BMERB1: variants seen among roughly 807,000 people sequenced by gnomAD.
BMERB1 encodes the protein bMERB domain-containing protein 1.
A neutral mutation model predicts 23.6 loss-of-function variants in BMERB1; 12 were observed. The ratio of observed to expected loss-of-function variants is 0.51; its 90% CI spans 0.33 to 0.82. The LOEUF (loss-of-function observed/expected upper bound fraction) is 0.82. Ranked by LOEUF, BMERB1 falls within the 40% of genes least tolerant of loss-of-function variation. The pLI is 0.03. For synonymous variants in BMERB1, 122 were observed against 96.6 expected, an observed-to-expected ratio of 1.26 and a Z score of -1.54; for missense variants, 247 against 255.4, an observed-to-expected ratio of 0.97 and a Z score of 0.22.
chr16:15,472,738 G>A (rs2051240669), intron 1 of BMERB1, among the ~76,000 whole-genome samples: 1 of 151,896 alleles, frequency 6.6e-6, no homozygotes, highest in Non-Finnish European at 1.5e-5. Context: ...TACATTTAAG[G>A]CAATTATTAA....
chr16:15,478,996 T>G (rs1193908581), intron 1 of BMERB1, among the ~76,000 whole-genome samples: 1 of 152,242 alleles, frequency 6.6e-6, no homozygotes, highest in Non-Finnish European at 1.5e-5. Flanking sequence ...TTTTGTCTTT[T>G]GTTTTTTGTT....
At chr16:15,527,046 GCACA>G (rs367615970) in intron 2 of BMERB1, among the ~76,000 whole-genome samples, 4 of 150,618 alleles carry the variant, frequency 2.7e-5, no homozygotes, top group African/African-American at 9.7e-5. Context: ...TATGTAGTTT[GCACA>G]CACACTTCTA....
chr16:15,515,560 T>TCGGGCGGATCACGAGGTCAGGA, intron 2 of BMERB1, 132 bp downstream of exon 2: 1 of 1,270,562 alleles, frequency 7.9e-7, no homozygotes, highest in South Asian at 1.7e-5. Context: ...AAGCCTCATT[T>TCGGGCGGATCACGAGGTCAGGA]GATTCTCACC....
intron 1 of BMERB1, among the ~76,000 whole-genome samples, chr16:15,463,270 T>TATATATATATATATATATA (rs2051152108): frequency 4.0e-5 from 6 of 151,550 alleles, no homozygotes; most frequent in African/African-American, 1.2e-4. Context: ...TATATATATA[T>TATATATATATATATATATA]TTTGTAGAGG....
At chr16:15,508,760 A>T (rs193035312) in intron 1 of BMERB1, among the ~76,000 whole-genome samples, 70 of 144,962 alleles carry the variant, frequency 4.8e-4, no homozygotes, top group African/African-American at 1.7e-3. Flanking sequence ...CGGGAGGTTG[A>T]GGCTGCAGTG....
At chr16:15,523,132 C>T (rs2051872860) in intron 2 of BMERB1, among the ~76,000 whole-genome samples, 1 of 151,980 alleles carries the variant, frequency 6.6e-6, no homozygotes, top group African/African-American at 2.4e-5. Context: ...CTGGGCACTC[C>T]TCCGACTGCC....
At chr16:15,548,573 T>C (rs1342803648) in intron 2 of BMERB1, among the ~76,000 whole-genome samples, 1 of 152,114 alleles carries the variant, frequency 6.6e-6, no homozygotes, top group East Asian at 1.9e-4. Flanking sequence ...CAGCAAGGCT[T>C]CTACCTCCCT....
intron 2 of BMERB1, among the ~76,000 whole-genome samples, chr16:15,519,635 C>CCCTCCTTGG (rs1230816667): frequency 1.3e-5 from 2 of 152,082 alleles, no homozygotes; most frequent in African/African-American, 4.8e-5. Flanking sequence ...AAGTGATCTG[C>CCCTCCTTGG]CCTCCTTGGC....
At chr16:15,444,839 T>C (rs1368281391) in intron 1 of BMERB1, among the ~76,000 whole-genome samples, 2 of 152,196 alleles carry the variant, frequency 1.3e-5, no homozygotes, top group African/African-American at 4.8e-5. Flanking sequence ...CTCAATCTTT[T>C]GCTATCTGTA....
intron 1 of BMERB1, among the ~76,000 whole-genome samples, chr16:15,483,193 T>G (rs1448148092): frequency 6.6e-6 from 1 of 152,154 alleles, no homozygotes; most frequent in African/African-American, 2.4e-5. Flanking sequence ...CATTGTATGT[T>G]TCCAATTTTT....
intron 1 of BMERB1, among the ~76,000 whole-genome samples, chr16:15,506,680 C>G (rs920322837): frequency 6.6e-6 from 1 of 151,918 alleles, no homozygotes; most frequent in African/African-American, 2.4e-5. Context: ...TTCCTTACCC[C>G]TTCCTAATAA....
chr16:15,436,687 C>T (rs1264099393), intron 1 of BMERB1, among the ~76,000 whole-genome samples: 3 of 151,900 alleles, frequency 2.0e-5, no homozygotes, highest in Admixed American at 1.3e-4. Context: ...TGTGTCCCCC[C>T]ATCCCAATAC....
intron 2 of BMERB1, among the ~76,000 whole-genome samples, chr16:15,555,604 G>A (rs2030231231): frequency 6.6e-6 from 1 of 152,180 alleles, no homozygotes; most frequent in Non-Finnish European, 1.5e-5. Flanking sequence ...ACAGGTGGAT[G>A]TAAATCCACA....
intron 1 of BMERB1, among the ~76,000 whole-genome samples, chr16:15,485,202 A>C (rs2051357546): frequency 6.6e-6 from 1 of 152,210 alleles, no homozygotes; most frequent in African/African-American, 2.4e-5. Flanking sequence ...GCGGTAGAAT[A>C]TTCTGATTGG....
intron 4 of BMERB1, among the ~76,000 whole-genome samples, chr16:15,582,711 G>T (rs538355407): frequency 6.6e-6 from 1 of 152,160 alleles, no homozygotes; most frequent in Non-Finnish European, 1.5e-5. Flanking sequence ...AAGAAAGACC[G>T]TGTCTCTTCA....
chr16:15,563,466 A>T (rs1234560458), intron 2 of BMERB1, among the ~76,000 whole-genome samples: 1 of 151,812 alleles, frequency 6.6e-6, no homozygotes, highest in African/African-American at 2.4e-5. Context: ...TGATCTGCCC[A>T]CCTCGGCCTC....
chr16:15,455,561 C>T (rs923788089), intron 1 of BMERB1, among the ~76,000 whole-genome samples: 5 of 151,846 alleles, frequency 3.3e-5, no homozygotes, highest in East Asian at 3.9e-4. Flanking sequence ...CACGGGTTCA[C>T]GCCATTTTCC....
chr16:15,567,968 G>T lies in BMERB1; in HGVS notation c.231-15G>T, dbSNP rs773056121. On this transcript the variant is annotated splice_polypyrimidine_tract_variant and intron_variant, in intron 2 of 5. Coordinates refer to ENST00000300006, the MANE Select transcript of BMERB1 (RefSeq NM_033201.3). Reference sequence around the variant, plus strand: ...GCTGATGTAACCTGCTGTTGATGGTGTCCTGTTTCCCCAGGATGGATGACA... The same window carrying T: ...GCTGATGTAACCTGCTGTTGATGGTTTCCTGTTTCCCCAGGATGGATGACA... The T allele has an allele frequency of 1.2e-5, 19 of 1,608,430 alleles. No individual in the cohort carries two copies. Among genetic ancestry groups the T allele is most frequent in the Non-Finnish European group, 1.6e-5 (19 of 1,175,354 alleles).
intron 3 of BMERB1, chr16:15,577,146 G>A (rs1028819791): frequency 2.6e-5 from 4 of 152,172 alleles, no homozygotes; most frequent in African/African-American, 7.2e-5. Context: ...CTGGCAAAGA[G>A]AAGGGAGCGT....
Sources: gnomAD v4.1 joint callset for allele counts (sites outside exome capture counted in the v4.1 genomes callset) on GRCh38, gnomAD v4.1.1 for gene constraint, MANE v1.5 for transcripts, NCBI Gene and HGNC (gene_info 2026-07-23, HGNC 2026-07-21) for gene names.